Variants in MAP7D3 observed in about 807,000 individuals in gnomAD.
MAP7D3 encodes the protein MAP7 domain-containing protein 3.
In MAP7D3, 45 loss-of-function variants were observed where a neutral mutation model predicts 62.2. The ratio of observed to expected loss-of-function variants is 0.72; its 90% CI spans 0.57 to 0.93. The LOEUF is 0.93. MAP7D3 is among the 40% of genes least tolerant of loss of function. The pLI, the probability that MAP7D3 is intolerant of heterozygous loss-of-function variation, is 0.00. For missense variants in MAP7D3, 711 were observed against 683.1 expected, an observed-to-expected ratio of 1.04 and a Z score of -0.45; for synonymous variants, 288 against 248.8, an observed-to-expected ratio of 1.16 and a Z score of -1.48.
intron 1 of MAP7D3, 29 bp downstream of exon 1, chrX:136,251,260 C>G (rs1248272929): frequency 1.8e-6 from 2 of 1,116,973 alleles, no homozygotes; most frequent in East Asian, 7.3e-5. Context: ...CGGGCCCGAA[C>G]CACCCCCGGG....
At chrX:136,238,139 G>A (rs2074351208) in intron 6 of MAP7D3, among the ~76,000 whole-genome samples, 1 of 111,253 alleles carries the variant, frequency 9.0e-6, no homozygotes, top group African/African-American at 3.3e-5. Flanking sequence ...TGGACATTTG[G>A]GTTGGTTCCA....
intron 6 of MAP7D3, among the ~76,000 whole-genome samples, chrX:136,238,024 T>C (rs1392326492): frequency 1.2e-4 from 13 of 111,262 alleles, no homozygotes; most frequent in Non-Finnish European, 2.4e-4. Context: ...TGGTTTCCAG[T>C]TTCATCCATG....
rs2074278236 is a variant in MAP7D3 at position 136,232,100 on chromosome X, T to G, written c.857A>C (p.Lys286Thr). Residue 286 changes from lysine (K) to threonine (T), a missense_variant, in exon 8 of 19, where the codon AAA becomes ACA. Physicochemically the swap from Lys to Thr is moderately conservative, Grantham distance 78. Transcript: ENST00000316077. ...TTTCTCCAAGGGAGACTCTTCTACTTTTGTTTGAGGAGGTATTTTCATTGT... is the reference window on the plus strand; with the variant it reads ...TTTCTCCAAGGGAGACTCTTCTACTGTTGTTTGAGGAGGTATTTTCATTGT... ...MSTMKIPPQTKVEESPLEKVE... is the reference protein window; with the variant it reads ...MSTMKIPPQTTVEESPLEKVE... 2 of 1,207,816 alleles carry G rather than the reference T, an allele frequency of 1.7e-6. No individual in the cohort carries two copies.
chrX:136,235,148 C>T (rs1187261986), intron 7 of MAP7D3, among the ~76,000 whole-genome samples: 1 of 112,539 alleles, frequency 8.9e-6, no homozygotes, highest in Non-Finnish European at 1.9e-5. Flanking sequence ...AAAAGTTGCA[C>T]ATGGCAAAAC....
chrX:136,231,071 AT>A, intron 8 of MAP7D3, 105 bp from the exon 9 acceptor site: 1 of 587,524 alleles, frequency 1.7e-6, no homozygotes, highest in Non-Finnish European at 2.5e-6. Context: ...ATAAAACACA[AT>A]TAGAATTCTT....
At chrX:136,236,891 T>C (rs998751353) in intron 6 of MAP7D3, among the ~76,000 whole-genome samples, 4 of 112,299 alleles carry the variant, frequency 3.6e-5, no homozygotes, top group Non-Finnish European at 7.5e-5. Context: ...GCGGAGCCAT[T>C]CTTTTGATAT....
intron 7 of MAP7D3, among the ~76,000 whole-genome samples, chrX:136,233,328 G>A (rs1476098196): frequency 3.8e-5 from 4 of 104,759 alleles, no homozygotes; most frequent in African/African-American, 1.4e-4. Context: ...AGGCTGGAGT[G>A]CAGTGGCGCA....
upstream of MAP7D3, among the ~76,000 whole-genome samples, chrX:136,255,743 C>G (rs1017590804): frequency 2.7e-5 from 3 of 110,968 alleles, no homozygotes; most frequent in Non-Finnish European, 3.8e-5. Flanking sequence ...GGCTCCTCTC[C>G]TCTCCTCTCC....
At chrX:136,230,673 CATT>C in intron 9 of MAP7D3, 80 bp from the exon 10 acceptor site, 17 of 874,905 alleles carry the variant, frequency 1.9e-5, no homozygotes, top group Non-Finnish European at 2.3e-5. Context: ...TATGAGATGA[CATT>C]ATAATCAGGG....
At chrX:136,241,629 C>T (rs919439355) in intron 4 of MAP7D3, among the ~76,000 whole-genome samples, 2 of 110,875 alleles carry the variant, frequency 1.8e-5, no homozygotes, top group East Asian at 2.8e-4. Context: ...TGTTAGTTTT[C>T]CCCTCTGCTT....
chrX:136,219,572 C>T (rs1053746444), intron 17 of MAP7D3, 21 bp downstream of exon 17: 2 of 1,181,871 alleles, frequency 1.7e-6, no homozygotes, highest in African/African-American at 3.5e-5. Context: ...AGATACGCTG[C>T]TGCTCATAAT....
chrX:136,220,622 TGA>T, intron 16 of MAP7D3, 141 bp downstream of exon 16: 1 of 519,706 alleles, frequency 1.9e-6, no homozygotes, highest in Non-Finnish European at 3.3e-6. Flanking sequence ...GTTGTGGGGA[TGA>T]GTTTATTTCC....
At chrX:136,213,250 T>A (rs183853337), downstream of MAP7D3, 140 of 111,808 alleles carry the variant, frequency 1.3e-3, no homozygotes, top group African/African-American at 4.1e-3. Flanking sequence ...GTTTGTTGAA[T>A]ATGCGATTTT....
rs755450116 is a variant in MAP7D3, at chrX:136,232,186, G to T, written c.771C>A (p.Val257=). 3.2e-5 allele frequency: 39 copies of T among 1,204,615 alleles called. No homozygotes were observed. The highest frequency in any genetic ancestry group is 5.3e-5 in the South Asian group (3 of 56,506). Residue 257 remains valine (V), a synonymous_variant, in exon 8 of 19, where the codon GTC becomes GTA. Transcript: ENST00000316077. ...TAGTACATTTACGCAAGGGTACAGTGACATACTGCATTACATAATTGGTGA... is the reference window on the plus strand; with the variant it reads ...TAGTACATTTACGCAAGGGTACAGTTACATACTGCATTACATAATTGGTGA... ...TGVTNYVMQY[V]TVPLRKCTSD... is the part of the protein sequence containing the mutation.
upstream of MAP7D3, chrX:136,251,525 A>T (rs2148427350): frequency 2.4e-6 from 2 of 838,378 alleles, no homozygotes; most frequent in East Asian, 1.4e-4. Flanking sequence ...CGAACCGGGC[A>T]GGATTGCCCC....
At chrX:136,235,474 C>A (rs2074318611) in intron 7 of MAP7D3, among the ~76,000 whole-genome samples, 1 of 111,777 alleles carries the variant, frequency 8.9e-6, no homozygotes, top group South Asian at 3.7e-4. Context: ...TATGGCCAGG[C>A]GCGGTGGCTC....
chrX:136,231,950 T>C lies in MAP7D3; in HGVS notation c.1007A>G (p.Asp336Gly). 1 of 1,210,945 alleles carries C rather than the reference T, an allele frequency of 8.3e-7. No homozygotes were observed. The highest frequency in any genetic ancestry group is 1.1e-6 in the Non-Finnish European group (1 of 895,305). ...GTCCACGCTCACCACAGGGAATGAG[T>C]CCGTGCTCACCTCAGGGGCCATGCC... ...GVGMAPEVST[D>G]SFPVVSVDVS... Residue 336 changes from aspartate (D) to glycine (G), a missense_variant, in exon 8 of 19, where the codon GAC (aspartate) becomes GGC (glycine). By Grantham distance (94) the Asp-to-Gly change is moderately conservative. Transcript: ENST00000316077.
downstream of MAP7D3, chrX:136,213,222 A>G (rs1190537214): frequency 2.7e-5 from 3 of 111,880 alleles, no homozygotes; most frequent in African/African-American, 9.8e-5. Context: ...CACAGTGCTC[A>G]GTACTTAGAA....
rs780705327 is a variant in MAP7D3, at chrX:136,231,983, G to A, written c.974C>T (p.Ala325Val). 2.5e-6 allele frequency: 3 copies of A among 1,209,602 alleles called. No homozygotes were observed. The highest frequency in any genetic ancestry group is 3.4e-6 in the Non-Finnish European group (3 of 895,007). The part of the protein sequence containing the change: ...CNTSMEASPK[A>V]GVGMAPEVST... ...CACCTCAGGGGCCATGCCCACACCT[G>A]CCTTGGGGGACGCTTCCATGCTTGT... The change falls in exon 8 of 19, where the codon GCA (alanine) becomes GTA (valine). Residue 325 changes from alanine (A) to valine (V), a missense_variant. Physicochemically the swap from Ala to Val is moderately conservative, Grantham distance 64. Coordinates refer to ENST00000316077, the MANE Select transcript of MAP7D3 (RefSeq NM_024597.4).
Sources: allele counts gnomAD v4.1 joint callset (sites outside exome capture counted in the v4.1 genomes callset), GRCh38; gene constraint gnomAD v4.1.1; transcripts MANE v1.5; gene names NCBI Gene and HGNC (gene_info 2026-07-23, HGNC 2026-07-21).